Variants in RGS7 observed in about 807,000 individuals in gnomAD.
RGS7 encodes regulator of G protein signaling 7.
Under a neutral mutation model 81.1 loss-of-function variants are expected in RGS7, and 27 were observed. The observed-to-expected ratio is 0.33, with a 90% confidence interval of 0.25 to 0.46. RGS7 has a LOEUF of 0.46. Among genes scored for constraint, RGS7 ranks in the 20% least tolerant of loss-of-function variants. The probability of loss-of-function intolerance (pLI) is 1.00; values close to 1 mark genes in which losing one functional copy is unlikely to be tolerated. For synonymous variants in RGS7, 208 were observed against 207.7 expected (o/e 1.00, Z -0.01); for missense variants, 396 against 607.4 (o/e 0.65, Z 3.66).
At chr1:240,837,285 C>T (rs1572344963) in intron 9 of RGS7, among the ~76,000 whole-genome samples, 1 of 152,196 alleles carries the variant, frequency 6.6e-6, no homozygotes, top group Non-Finnish European at 1.5e-5. Flanking sequence ...GCTGTGCGCA[C>T]ATGAGCGATT....
intron 14 of RGS7, among the ~76,000 whole-genome samples, chr1:240,808,257 G>C (rs1035455074): frequency 6.6e-6 from 1 of 152,158 alleles, no homozygotes; most frequent in Non-Finnish European, 1.5e-5. Context: ...GAACTAGACG[G>C]TCTGGGAAAG....
chr1:241,192,008 G>A (rs567011652), intron 2 of RGS7, among the ~76,000 whole-genome samples: 1 of 152,318 alleles, frequency 6.6e-6, no homozygotes, highest in South Asian at 2.1e-4. Flanking sequence ...AAAGGTCAAA[G>A]TCTACGTTTT....
At chr1:241,296,934 T>G (rs562483549) in intron 2 of RGS7, among the ~76,000 whole-genome samples, 6 of 138,598 alleles carry the variant, frequency 4.3e-5, no homozygotes, top group Middle Eastern at 7.5e-3. Context: ...ATTAGCTGGG[T>G]TTTTTTTTTT....
intron 2 of RGS7, among the ~76,000 whole-genome samples, chr1:241,139,124 C>G (rs1028747761): frequency 6.6e-6 from 1 of 151,992 alleles, no homozygotes; most frequent in Admixed American, 6.6e-5. Flanking sequence ...TAGCATGCGT[C>G]AGTAGATTGT....
At chr1:241,125,189 C>T (rs191139074) in intron 2 of RGS7, among the ~76,000 whole-genome samples, 2 of 152,202 alleles carry the variant, frequency 1.3e-5, no homozygotes, top group African/African-American at 2.4e-5. Context: ...TTAGCTCTAT[C>T]CACACAGGCG....
At chr1:241,263,328 T>G (rs905370785) in intron 2 of RGS7, among the ~76,000 whole-genome samples, 44 of 152,072 alleles carry the variant, frequency 2.9e-4, no homozygotes, top group Non-Finnish European at 5.1e-4. Flanking sequence ...TAGCTTATAA[T>G]GGGCACACTT....
intron 5 of RGS7, among the ~76,000 whole-genome samples, chr1:240,934,402 G>A (rs73118015): frequency 0.027 from 4,038 of 152,160 alleles, 181 homozygotes; most frequent in African/African-American, 0.092. Flanking sequence ...AAGAACTTTC[G>A]CTGCTTGGAA....
intron 3 of RGS7, among the ~76,000 whole-genome samples, chr1:241,091,782 G>C (rs1333625171): frequency 1.3e-5 from 2 of 151,910 alleles, no homozygotes; most frequent in African/African-American, 4.8e-5. Flanking sequence ...AGCTACTTGG[G>C]AGGCTAAGGC....
chr1:241,162,615 CCTG>C (rs758215881), intron 2 of RGS7, among the ~76,000 whole-genome samples: 3 of 152,172 alleles, frequency 2.0e-5, no homozygotes, highest in Non-Finnish European at 4.4e-5. Context: ...AACTCTGACT[CCTG>C]CTCTAAAACT....
chr1:240,899,111 C>CT (rs199545420), intron 6 of RGS7, among the ~76,000 whole-genome samples: 19,397 of 151,798 alleles, frequency 0.13, 1,351 homozygotes, highest in Middle Eastern at 0.18. Flanking sequence ...GCAATCCTTG[C>CT]TTTTTTTTGT....
At chr1:241,161,189 T>A (rs560955939) in intron 2 of RGS7, among the ~76,000 whole-genome samples, 4 of 152,268 alleles carry the variant, frequency 2.6e-5, no homozygotes, top group Admixed American at 6.5e-5. Flanking sequence ...ATGTAATTTT[T>A]GAGGGAACTA....
intron 3 of RGS7, among the ~76,000 whole-genome samples, chr1:241,051,653 G>A (rs1057080347): frequency 6.6e-6 from 1 of 151,778 alleles, no homozygotes; most frequent in African/African-American, 2.4e-5. Flanking sequence ...AACTTCCGTG[G>A]GTAGAGAGAA....
chr1:240,937,853 T>C (rs1676903052), intron 4 of RGS7, among the ~76,000 whole-genome samples: 1 of 152,196 alleles, frequency 6.6e-6, no homozygotes, highest in Admixed American at 6.5e-5. Flanking sequence ...TACTATTCTA[T>C]ACAGTGTTCT....
chr1:240,789,269 T>A (rs1685565510), intron 18 of RGS7, among the ~76,000 whole-genome samples: 1 of 152,220 alleles, frequency 6.6e-6, no homozygotes, highest in South Asian at 2.1e-4. Flanking sequence ...CTTCATAAGC[T>A]GAGGAGGATG....
chr1:241,239,159 G>A (rs912570552), intron 2 of RGS7, among the ~76,000 whole-genome samples: 1 of 151,648 alleles, frequency 6.6e-6, no homozygotes, highest in African/African-American at 2.4e-5. Flanking sequence ...TAGTAGAGAC[G>A]GGTTTCATCA....
intron 2 of RGS7, among the ~76,000 whole-genome samples, chr1:241,342,785 G>A (rs1363148083): frequency 6.6e-6 from 1 of 152,182 alleles, no homozygotes; most frequent in African/African-American, 2.4e-5. Flanking sequence ...TCCATCATTA[G>A]GGAAATGTGA....
At chr1:240,810,643 G>C (rs570847073) in intron 14 of RGS7, among the ~76,000 whole-genome samples, 1 of 152,126 alleles carries the variant, frequency 6.6e-6, no homozygotes, top group Non-Finnish European at 1.5e-5. Flanking sequence ...TAGAGATGGA[G>C]TTTGCCATGT....
At chr1:240,870,785 T>C (rs1409227276) in intron 6 of RGS7, among the ~76,000 whole-genome samples, 2 of 152,232 alleles carry the variant, frequency 1.3e-5, no homozygotes, top group Non-Finnish European at 2.9e-5. Flanking sequence ...AAGGAAATTA[T>C]GAATTAGTGG....
chr1:241,341,924 G>C (rs1558338506), intron 2 of RGS7, among the ~76,000 whole-genome samples: 1 of 142,976 alleles, frequency 7.0e-6, no homozygotes, highest in Non-Finnish European at 1.5e-5. Context: ...ACCCAGGCTG[G>C]AGTGCAGTGG....
Sources: gnomAD v4.1 joint callset for allele counts (sites outside exome capture counted in the v4.1 genomes callset) on GRCh38, gnomAD v4.1.1 for gene constraint, MANE v1.5 for transcripts, NCBI Gene and HGNC (gene_info 2026-07-23, HGNC 2026-07-21) for gene names.